The following GSE1 variants were observed in gnomAD, a reference collection of about 807,000 sequenced individuals.
GSE1 encodes the protein Gse1 coiled-coil protein, also known as genetic suppressor element 1.
A neutral mutation model predicts 112.6 loss-of-function variants in GSE1; 32 were observed. That is an observed-to-expected ratio of 0.28 (90% CI 0.21 to 0.38). The LOEUF (loss-of-function observed/expected upper bound fraction) is 0.38. GSE1 is among the 10% of genes least tolerant of loss of function. The pLI is 1.00. For synonymous variants in GSE1, 1,115 were observed against 735.6 expected (o/e 1.52, Z -8.35); for missense variants, 2,348 against 1,699.2 (o/e 1.38, Z -6.71).
chr16:85,260,816 A>G (rs1430633395), intron 1 of GSE1, among the ~76,000 whole-genome samples: 1 of 152,198 alleles, frequency 6.6e-6, no homozygotes, highest in African/African-American at 2.4e-5. Context: ...CCACCCCTGC[A>G]TGACATCTGC....
intron 2 of GSE1, among the ~76,000 whole-genome samples, chr16:85,466,262 A>G (rs1253886374): frequency 1.3e-5 from 2 of 152,194 alleles, no homozygotes; most frequent in East Asian, 1.9e-4. Context: ...GAGTGCTCTC[A>G]TTGTGCTTGG....
intron 1 of GSE1, among the ~76,000 whole-genome samples, chr16:85,578,192 C>T (rs1035002042): frequency 5.3e-5 from 8 of 152,252 alleles, no homozygotes; most frequent in Non-Finnish European, 1.2e-4. Flanking sequence ...AGATATTGTG[C>T]GCTGACACCT....
intron 1 of GSE1, among the ~76,000 whole-genome samples, chr16:85,597,176 G>T (rs1241378784): frequency 4.0e-5 from 6 of 151,492 alleles, no homozygotes; most frequent in Non-Finnish European, 8.8e-5. Flanking sequence ...AAGGGGTTTC[G>T]CCATGTTGGC....
intron 2 of GSE1, among the ~76,000 whole-genome samples, chr16:85,482,648 C>T (rs1468409922): frequency 1.3e-5 from 2 of 152,166 alleles, no homozygotes; most frequent in Non-Finnish European, 2.9e-5. Flanking sequence ...AGATCAGGCA[C>T]CCCCGTCTGC....
At chr16:85,224,545 C>T (rs1267126081) in intron 1 of GSE1, among the ~76,000 whole-genome samples, 1 of 152,130 alleles carries the variant, frequency 6.6e-6, no homozygotes, top group Non-Finnish European at 1.5e-5. Flanking sequence ...CTCATTCATT[C>T]ATTCATTCCA....
At chr16:85,317,312 C>G (rs2046006089) in intron 1 of GSE1, among the ~76,000 whole-genome samples, 1 of 152,134 alleles carries the variant, frequency 6.6e-6, no homozygotes, top group Admixed American at 6.5e-5. Context: ...CTGGTTCATT[C>G]CTGTAGAACG....
intron 2 of GSE1, among the ~76,000 whole-genome samples, chr16:85,375,825 G>A (rs1334310889): frequency 6.6e-6 from 1 of 152,250 alleles, no homozygotes; most frequent in Admixed American, 6.5e-5. Flanking sequence ...TTCACCAAGT[G>A]AGATACTGGA....
intron 2 of GSE1, among the ~76,000 whole-genome samples, chr16:85,396,534 A>G (rs1043978545): frequency 2.6e-5 from 4 of 152,200 alleles, no homozygotes; most frequent in African/African-American, 7.2e-5. Context: ...AACACCTTCC[A>G]CTGCCTGGCC....
At chr16:85,274,689 C>T (rs915850807) in intron 1 of GSE1, among the ~76,000 whole-genome samples, 1 of 152,220 alleles carries the variant, frequency 6.6e-6, no homozygotes, top group South Asian at 2.1e-4. Context: ...AGGTGCCTGT[C>T]CCCCTCTCGC....
At chr16:85,514,853 G>A (rs886767167) in intron 2 of GSE1, among the ~76,000 whole-genome samples, 1 of 152,180 alleles carries the variant, frequency 6.6e-6, no homozygotes, top group East Asian at 1.9e-4. Context: ...TGCAGGCCAC[G>A]CTGATGAGTC....
intron 2 of GSE1, chr16:85,490,315 G>A (rs1358078480): frequency 6.6e-6 from 1 of 152,306 alleles, no homozygotes. Flanking sequence ...GCCAGGAGCT[G>A]GGACCCGTCT....
intron 1 of GSE1, among the ~76,000 whole-genome samples, chr16:85,298,986 G>C (rs1295907017): frequency 6.6e-6 from 1 of 152,302 alleles, no homozygotes; most frequent in African/African-American, 2.4e-5. Flanking sequence ...GGGCCAGCCT[G>C]CCTGTCTGGA....
chr16:85,227,255 T>C (rs1348716828), intron 1 of GSE1, among the ~76,000 whole-genome samples: 1 of 152,224 alleles, frequency 6.6e-6, no homozygotes, highest in Non-Finnish European at 1.5e-5. Context: ...GGAAGGCCTG[T>C]TCTTCATGCA....
At chr16:85,563,775 C>G (rs1162605573) in intron 1 of GSE1, among the ~76,000 whole-genome samples, 1 of 152,206 alleles carries the variant, frequency 6.6e-6, no homozygotes, top group Non-Finnish European at 1.5e-5. Context: ...GGAGGGACCT[C>G]AGAGGTCAGA....
upstream of GSE1, chr16:85,555,511 C>G (rs1053875614): frequency 2.4e-5 from 24 of 984,742 alleles, no homozygotes; most frequent in Non-Finnish European, 2.7e-5. Flanking sequence ...AAGAAATCTC[C>G]CCCTCGGTAC....
chr16:85,277,522 G>A (rs906925249), intron 1 of GSE1, among the ~76,000 whole-genome samples: 2 of 152,134 alleles, frequency 1.3e-5, no homozygotes, highest in Admixed American at 1.3e-4. Flanking sequence ...CTGGGATTCC[G>A]GATTTCTAAA....
At chr16:85,478,929 C>CT (rs1567520960) in intron 2 of GSE1, among the ~76,000 whole-genome samples, 1 of 12,908 alleles carries the variant, frequency 7.7e-5, no homozygotes, top group African/African-American at 3.8e-4. Context: ...CTTTCTTTCT[C>CT]TTTCTTTCTT....
chr16:85,545,349 C>T (rs1292150755), intron 2 of GSE1, among the ~76,000 whole-genome samples: 1 of 152,216 alleles, frequency 6.6e-6, no homozygotes, highest in Non-Finnish European at 1.5e-5. Context: ...CCAGGGGCAG[C>T]CCCAAAATGG....
chr16:85,429,187 G>T (rs531915966), intron 2 of GSE1, among the ~76,000 whole-genome samples: 1 of 152,162 alleles, frequency 6.6e-6, no homozygotes, highest in Non-Finnish European at 1.5e-5. Flanking sequence ...GGGCATGCAC[G>T]CCTTCTCAGG....
Sources: allele counts gnomAD v4.1 joint callset (sites outside exome capture counted in the v4.1 genomes callset), GRCh38; gene constraint gnomAD v4.1.1; transcripts MANE v1.5; gene names NCBI Gene and HGNC (gene_info 2026-07-23, HGNC 2026-07-21).